FBXO15: variants seen among roughly 807,000 people sequenced by gnomAD.
FBXO15 encodes the protein F-box protein 15, also known as F-box only protein 15.
Under a neutral mutation model 49.5 loss-of-function variants are expected in FBXO15, and 30 were observed. That is an observed-to-expected ratio of 0.61 (90% CI 0.45 to 0.82). The LOEUF is 0.82. FBXO15 is among the 40% of genes least tolerant of loss of function. The pLI, the probability that FBXO15 is intolerant of heterozygous loss-of-function variation, is 0.00. For missense variants in FBXO15, 591 were observed against 631.5 expected (o/e 0.94, Z 0.69); for synonymous variants, 250 against 232.7 (o/e 1.07, Z -0.68).
intron 2 of FBXO15, among the ~76,000 whole-genome samples, chr18:74,137,292 T>C (rs1978780991): frequency 6.6e-6 from 1 of 152,244 alleles, no homozygotes; most frequent in South Asian, 2.1e-4. Flanking sequence ...AGAAAACATA[T>C]TTTTGTGACC....
chr18:74,128,017 C>A (rs1019936071), intron 5 of FBXO15, among the ~76,000 whole-genome samples: 1 of 152,096 alleles, frequency 6.6e-6, no homozygotes, highest in Admixed American at 6.5e-5. Flanking sequence ...AGCCTAATTA[C>A]TACATTAGAA....
chr18:74,101,848 A>G (rs957754133), intron 8 of FBXO15, among the ~76,000 whole-genome samples: 6 of 152,174 alleles, frequency 3.9e-5, no homozygotes, highest in Admixed American at 3.9e-4. Context: ...CAAAGCAAAC[A>G]AAAACATACA....
rs1189742490 is a variant in FBXO15, at chr18:74,147,709, C to T, written c.77G>A (p.Gly26Asp). The T allele has an allele frequency of 1.3e-6, 2 of 1,526,784 alleles. No homozygotes were observed. The highest frequency in any genetic ancestry group is 1.8e-6 in the Non-Finnish European group (2 of 1,139,552). The allele number at this position is 1,526,784 out of a possible 1,614,324, so 94.6% of individuals were successfully genotyped here. ...LQTLRGPSRG[G>D]GAARGRARAF... The stretch of plus-strand genomic sequence containing the variant: ...CCTGGCGCGCCCCCGGGCCGCGCCA[C>T]CGCCCCTGCTGGGCCCGCGCAGCGT... The change falls in exon 1 of 10, where the codon GGT becomes GAT. Residue 26 changes from glycine (G) to aspartate (D), a missense_variant. Transcript: ENST00000419743.
At position 74,130,355 on chromosome 18, in the gene FBXO15, G is replaced by A. The variant is rs932636194; in HGVS notation, c.575+61C>T. ...CCCACACAATCTAAACTGCACATAC[G>A]TCCTACGTACACGATACTTTGAGCT... On this transcript the variant is annotated intron_variant, in intron 4 of 9. Coordinates refer to ENST00000419743, the MANE Select transcript of FBXO15 (RefSeq NM_001142958.2). The A allele has an allele frequency of 5.0e-5, 80 of 1,594,138 alleles. No individual in the cohort carries two copies. The Middle Eastern group carries it at 1.0e-3, about 20-fold the overall frequency.
At chr18:74,113,806 C>A (rs1914125585) in intron 8 of FBXO15, among the ~76,000 whole-genome samples, 1 of 152,210 alleles carries the variant, frequency 6.6e-6, no homozygotes, top group Non-Finnish European at 1.5e-5. Context: ...ATATACATTT[C>A]TTCATACTTT....
Position 74,082,053 on chromosome 18 carries a change from T to G in FBXO15, c.1139-2A>C. The G allele has an allele frequency of 6.2e-7, 1 of 1,610,482 alleles. No individual in the cohort carries two copies. The highest frequency in any genetic ancestry group is 8.5e-7 in the Non-Finnish European group (1 of 1,178,928). ...TCACATGTCCATTTTCAATATTTCC[T>G]GAAAAGATATAAGATTGTTTCAATC... On this transcript the variant is annotated splice_acceptor_variant, in intron 8 of 9. Coordinates refer to ENST00000419743, the MANE Select transcript of FBXO15 (RefSeq NM_001142958.2). LOFTEE classifies it high-confidence loss of function.
At chr18:74,083,263 G>A (rs1478540388) in intron 8 of FBXO15, among the ~76,000 whole-genome samples, 1 of 152,166 alleles carries the variant, frequency 6.6e-6, no homozygotes, top group Non-Finnish European at 1.5e-5. Flanking sequence ...CTCTCCCCAG[G>A]CATAGGAAGA....
At chr18:74,088,552 A>C (rs1370195070) in intron 8 of FBXO15, among the ~76,000 whole-genome samples, 2 of 152,074 alleles carry the variant, frequency 1.3e-5, no homozygotes, top group Non-Finnish European at 2.9e-5. Flanking sequence ...ATTCTGTTCC[A>C]TTGGTCTATG....
rs1211634689 is a variant in FBXO15, at chr18:74,130,454, A to C, written c.537T>G (p.Pro179=). Residue 179 remains proline, a synonymous_variant, in exon 4 of 10, where the codon CCT becomes CCG. Coordinates refer to ENST00000419743, the MANE Select transcript of FBXO15 (RefSeq NM_001142958.2). ...ALADILKPVN[P]YTGLPVKTKE... Reference sequence around the variant, plus strand: ...TGGTCTTAACTGGAAGGCCTGTGTAAGGGTTGACAGGTTTGAGAATGTCAG... The same window carrying C: ...TGGTCTTAACTGGAAGGCCTGTGTACGGGTTGACAGGTTTGAGAATGTCAG... 1 of 1,614,172 alleles carries C rather than the reference A, an allele frequency of 6.2e-7. No homozygotes were observed. Among genetic ancestry groups the C allele is most frequent in the Non-Finnish European group, 8.5e-7 (1 of 1,180,010 alleles).
chr18:74,118,435 T>C (rs1183322806), intron 8 of FBXO15, among the ~76,000 whole-genome samples: 5 of 151,672 alleles, frequency 3.3e-5, no homozygotes, highest in Admixed American at 6.6e-5. Flanking sequence ...TATGTGTATA[T>C]ACACACACAC....
chr18:74,088,949 T>C (rs1912880892), intron 8 of FBXO15, among the ~76,000 whole-genome samples: 1 of 152,214 alleles, frequency 6.6e-6, no homozygotes, highest in African/African-American at 2.4e-5. Flanking sequence ...TGGTCAGCTG[T>C]ATTCCTATTT....
chr18:74,144,656 CT>C (rs1190741036), intron 1 of FBXO15, among the ~76,000 whole-genome samples: 7 of 127,126 alleles, frequency 5.5e-5, no homozygotes, highest in African/African-American at 1.5e-4. Flanking sequence ...ACTAAATAAT[CT>C]GTCTTTGTCC....
chr18:74,114,881 A>C (rs1007754942), intron 8 of FBXO15, among the ~76,000 whole-genome samples: 1 of 152,194 alleles, frequency 6.6e-6, no homozygotes, highest in Admixed American at 6.5e-5. Flanking sequence ...GGAGTATGAC[A>C]AAGTTCCAAG....
At chr18:74,142,961 C>A (rs1001195055) in intron 1 of FBXO15, among the ~76,000 whole-genome samples, 3 of 152,082 alleles carry the variant, frequency 2.0e-5, no homozygotes, top group African/African-American at 7.2e-5. Flanking sequence ...AAAATATCTA[C>A]AATTGATAAA....
At chr18:74,082,219 G>A (rs1008120896) in intron 8 of FBXO15, 168 bp from the exon 9 acceptor site, 7 of 489,960 alleles carry the variant, frequency 1.4e-5, no homozygotes, top group African/African-American at 1.4e-4. Flanking sequence ...AGGCCAGAGT[G>A]ATGCATCTGT....
intron 8 of FBXO15, among the ~76,000 whole-genome samples, chr18:74,105,200 T>C (rs537979843): frequency 3.3e-5 from 5 of 152,246 alleles, no homozygotes; most frequent in Middle Eastern, 3.4e-3. Flanking sequence ...TACAAATACA[T>C]AGTTTGACAG....
intron 8 of FBXO15, among the ~76,000 whole-genome samples, chr18:74,094,917 T>C (rs575936572): frequency 3.9e-4 from 59 of 152,354 alleles, no homozygotes; most frequent in African/African-American, 1.3e-3. Context: ...TCATCAATGA[T>C]CTTAACTAGA....
intron 8 of FBXO15, among the ~76,000 whole-genome samples, chr18:74,107,162 A>G (rs1188946295): frequency 6.6e-6 from 1 of 151,202 alleles, no homozygotes. Flanking sequence ...AAATAATTAA[A>G]TATATTTATG....
chr18:74,110,140 T>A (rs1913949309), intron 8 of FBXO15, among the ~76,000 whole-genome samples: 1 of 148,868 alleles, frequency 6.7e-6, no homozygotes, highest in South Asian at 2.1e-4. Context: ...TAATAATATA[T>A]TCTAATATAT....
Sources: allele counts gnomAD v4.1 joint callset (sites outside exome capture counted in the v4.1 genomes callset), GRCh38; gene constraint gnomAD v4.1.1; transcripts MANE v1.5; gene names NCBI Gene and HGNC (gene_info 2026-07-23, HGNC 2026-07-21).